NEMP2: variants seen among roughly 807,000 people sequenced by gnomAD.
NEMP2 encodes nuclear envelope integral membrane protein 2.
Under a neutral mutation model 54.2 loss-of-function variants are expected in NEMP2, and 53 were observed. The ratio of observed to expected loss-of-function variants is 0.98; its 90% confidence interval spans 0.78 to 1.23. The LOEUF (loss-of-function observed/expected upper bound fraction) is 1.23, where lower values mean the gene tolerates loss of function less well. Among genes scored for constraint, NEMP2 ranks in the 50% most tolerant of loss-of-function variants. The pLI is 0.00. For missense variants in NEMP2, 455 were observed against 511.3 expected (o/e 0.89, Z 1.06); for synonymous variants, 197 against 190.3 (o/e 1.04, Z -0.29).
chr2:190,612,083 CT>C, the NEMP2 span, among the ~76,000 whole-genome samples: 2 of 151,326 alleles, frequency 1.3e-5, no homozygotes, highest in Non-Finnish European at 2.9e-5. Flanking sequence ...TTCATAAATT[CT>C]TTCATGACTA....
chr2:190,593,481 G>C, the NEMP2 span, among the ~76,000 whole-genome samples: 1 of 152,160 alleles, frequency 6.6e-6, no homozygotes, highest in Non-Finnish European at 1.5e-5. This position sits in a 1 kb window ranked among gnomAD's most constrained non-coding sequence, Gnocchi z 4.5. Context: ...CCAGCCTGAG[G>C]GAAGAGTGAA....
At position 190,523,940 on chromosome 2, in the gene NEMP2, C is replaced by T. The variant is rs1027826116; in HGVS notation, c.213+1323G>A. On this transcript the variant is annotated intron_variant, in intron 2 of 8. Transcript: ENST00000409150. The surrounding 1 kb of genome is among the most constrained non-coding windows in gnomAD (Gnocchi z 5.3). ...TAATGGTGCCAGGCGCAGTGGCTTG[C>T]GCCTGTAATCCCAGCATTCTGGGAG... is the stretch of plus-strand genomic sequence containing the variant. Among the ~76,000 whole-genome samples, 12 of 151,864 alleles carry T rather than the reference C, an allele frequency of 7.9e-5. No individual in the cohort carries two copies. The highest frequency in any genetic ancestry group is 2.2e-4 in the African/African-American group (9 of 41,314).
the NEMP2 span, among the ~76,000 whole-genome samples, chr2:190,490,263 TAAA>T: frequency 6.9e-6 from 1 of 144,050 alleles, no homozygotes; most frequent in Non-Finnish European, 1.5e-5. The surrounding 1 kb of genome is among the most constrained non-coding windows in gnomAD (Gnocchi z 4.5). Context: ...CTTCATTTGT[TAAA>T]AAAAAAAAAA....
At chr2:190,549,525 C>T in the NEMP2 span, among the ~76,000 whole-genome samples, 154 of 152,284 alleles carry the variant, frequency 1.0e-3, no homozygotes, top group African/African-American at 3.4e-3. Context: ...GGTTCCTTTT[C>T]ATCCTCTGAA....
chr2:190,618,352 A>G, the NEMP2 span, among the ~76,000 whole-genome samples: 391 of 152,282 alleles, frequency 2.6e-3, 2 homozygotes, highest in African/African-American at 9.0e-3. Flanking sequence ...CAAGGTCAGC[A>G]TGGAGCACTA....
At chr2:190,517,497 T>A in intron 5 of NEMP2, 23 bp downstream of exon 5, 1 of 1,482,464 alleles carries the variant, frequency 6.7e-7, no homozygotes, top group South Asian at 1.3e-5. Flanking sequence ...CATTTTTTAC[T>A]CATTTTCACA....
the NEMP2 span, chr2:190,624,833 G>A: frequency 6.6e-6 from 1 of 152,142 alleles, no homozygotes; most frequent in African/African-American, 2.4e-5. Flanking sequence ...ACAAAGAAAG[G>A]TTGGTTAGTA....
At chr2:190,446,153 T>G in the NEMP2 span, among the ~76,000 whole-genome samples, 5 of 152,160 alleles carry the variant, frequency 3.3e-5, no homozygotes, top group Non-Finnish European at 7.4e-5. Flanking sequence ...GATTCTCCCC[T>G]GTCTTGTGGT....
At chr2:190,540,099 T>G in the NEMP2 span, among the ~76,000 whole-genome samples, 18 of 152,326 alleles carry the variant, frequency 1.2e-4, no homozygotes, top group East Asian at 2.5e-3. Flanking sequence ...TTTTTCTATA[T>G]TCAGTTCGTT....
the NEMP2 span, among the ~76,000 whole-genome samples, chr2:190,586,542 T>TA: frequency 2.0e-5 from 3 of 152,182 alleles, no homozygotes; most frequent in Admixed American, 2.0e-4. The surrounding 1 kb of genome is among the most constrained non-coding windows in gnomAD (Gnocchi z 4.5). Flanking sequence ...TCCCCATATT[T>TA]AAAATACATC....
At chr2:190,578,309 C>T in the NEMP2 span, among the ~76,000 whole-genome samples, 92 of 152,266 alleles carry the variant, frequency 6.0e-4, no homozygotes, top group Admixed American at 5.8e-3. This position sits in a 1 kb window ranked among gnomAD's most constrained non-coding sequence, Gnocchi z 4.4. Context: ...CTGTAGTTTC[C>T]AGAAATAGAA....
At position 190,509,523 on chromosome 2, in the gene NEMP2, G is replaced by C. The variant is rs1283889594; in HGVS notation, c.1131-211C>G. Among the ~76,000 whole-genome samples the C allele has an allele frequency of 6.6e-6, 1 of 152,180 alleles. No homozygotes were observed. Among genetic ancestry groups the C allele is most frequent in the African/African-American group, 2.4e-5 (1 of 41,422 alleles). ...ATGGAAAGGGCAGAGAATTAGGGCAGATATATAAGCACTAAGTAAGCCAAA... is the reference window on the plus strand; with the variant it reads ...ATGGAAAGGGCAGAGAATTAGGGCACATATATAAGCACTAAGTAAGCCAAA... On this transcript the variant is annotated intron_variant, in intron 8 of 8. Transcript: ENST00000409150. This position sits in a 1 kb window ranked among gnomAD's most constrained non-coding sequence, Gnocchi z 6.1.
chr2:190,503,119 TATTCCTAG>T (rs1383613157), downstream of NEMP2, among the ~76,000 whole-genome samples: 2 of 152,254 alleles, frequency 1.3e-5, no homozygotes, highest in African/African-American at 2.4e-5. The surrounding 1 kb of genome is among the most constrained non-coding windows in gnomAD (Gnocchi z 6.3). Flanking sequence ...GATTTCTAGA[TATTCCTAG>T]ATTCCTAGAA....
chr2:190,615,641 C>T, the NEMP2 span, among the ~76,000 whole-genome samples: 12 of 152,294 alleles, frequency 7.9e-5, no homozygotes, highest in South Asian at 2.1e-4. The surrounding 1 kb of genome is among the most constrained non-coding windows in gnomAD (Gnocchi z 4.7). Flanking sequence ...TCTCCCCTCC[C>T]GAGAGATGAG....
the NEMP2 span, among the ~76,000 whole-genome samples, chr2:190,564,517 T>G: frequency 1.2e-4 from 18 of 152,368 alleles, no homozygotes; most frequent in Admixed American, 2.6e-4. The surrounding 1 kb of genome is among the most constrained non-coding windows in gnomAD (Gnocchi z 4.2). Context: ...TGCCCTCTTA[T>G]GTATTTTATC....
chr2:190,522,431 T>C lies in NEMP2; in HGVS notation c.213+2832A>G, dbSNP rs78779518. Among the ~76,000 whole-genome samples the C allele has an allele frequency of 0.023, 3,468 of 152,248 alleles. 136 individuals carry two copies. Among genetic ancestry groups the C allele is most frequent in the African/African-American group, 0.079 (3,299 of 41,512 alleles). On this transcript the variant is annotated intron_variant, in intron 2 of 8. Transcript: ENST00000409150. The surrounding 1 kb of genome is among the most constrained non-coding windows in gnomAD (Gnocchi z 5.0). The stretch of plus-strand genomic sequence containing the variant: ...AAAATCTCACTTAAAAAACCCACTA[T>C]GATCTTTTCTGAGAATAAAAAGGTA...
At chr2:190,556,858 C>T in the NEMP2 span, among the ~76,000 whole-genome samples, 8 of 152,186 alleles carry the variant, frequency 5.3e-5, no homozygotes, top group African/African-American at 1.7e-4. Flanking sequence ...ATTCCAGGCT[C>T]ATGGATAGGA....
At chr2:190,585,463 G>C in the NEMP2 span, among the ~76,000 whole-genome samples, 1 of 152,134 alleles carries the variant, frequency 6.6e-6, no homozygotes, top group African/African-American at 2.4e-5. This position sits in a 1 kb window ranked among gnomAD's most constrained non-coding sequence, Gnocchi z 5.3. Flanking sequence ...TTTAGAATGG[G>C]TGCTCCCTCT....
the NEMP2 span, among the ~76,000 whole-genome samples, chr2:190,497,192 A>T: frequency 1.8e-4 from 27 of 152,276 alleles, no homozygotes; most frequent in African/African-American, 5.5e-4. The surrounding 1 kb of genome is among the most constrained non-coding windows in gnomAD (Gnocchi z 5.2). Flanking sequence ...TTAAATGAAA[A>T]ATATATTTCT....
Sources: allele counts gnomAD v4.1 joint callset (sites outside exome capture counted in the v4.1 genomes callset), GRCh38; gene constraint gnomAD v4.1.1; non-coding constraint Gnocchi (gnomAD v3.1); transcripts MANE v1.5; gene names NCBI Gene and HGNC (gene_info 2026-07-23, HGNC 2026-07-21).